The following TRPM7 variants were observed in gnomAD, a reference collection of about 807,000 sequenced individuals.
The protein encoded by TRPM7 is LTRPC ion channel family member 7.
A neutral mutation model predicts 229.7 loss-of-function variants in TRPM7; 134 were observed. The observed-to-expected ratio is 0.58, with a 90% CI of 0.51 to 0.67. TRPM7 has a LOEUF of 0.67. Ranked by LOEUF, TRPM7 falls within the 30% of genes least tolerant of loss-of-function variation. The pLI is 0.00. For missense variants in TRPM7, 1,901 were observed against 2,210.0 expected (o/e 0.86, Z 2.80); for synonymous variants, 699 against 715.2 (o/e 0.98, Z 0.36).
chr15:50,594,901 T>C (rs910682958), intron 23 of TRPM7, among the ~76,000 whole-genome samples: 1 of 152,120 alleles, frequency 6.6e-6, no homozygotes, highest in East Asian at 1.9e-4. Flanking sequence ...TAAGTGCAAA[T>C]TTTAAAAAAC....
At chr15:50,635,840 G>A (rs111948204) in intron 7 of TRPM7, among the ~76,000 whole-genome samples, 8 of 150,178 alleles carry the variant, frequency 5.3e-5, no homozygotes, top group Non-Finnish European at 7.4e-5. Context: ...TAGCTGGGGC[G>A]TGGTGGCGAG....
intron 14 of TRPM7, 54 bp downstream of exon 14, chr15:50,614,069 T>TGCATG: frequency 6.7e-7 from 1 of 1,482,378 alleles, no homozygotes; most frequent in South Asian, 1.3e-5. Flanking sequence ...ACAATTAAAG[T>TGCATG]GCATGTGTTA....
At chr15:50,642,494 G>C (rs1486859451) in intron 5 of TRPM7, among the ~76,000 whole-genome samples, 2 of 152,146 alleles carry the variant, frequency 1.3e-5, no homozygotes, top group East Asian at 1.9e-4. Flanking sequence ...TCATGGGGGC[G>C]GTTTCCCCAA....
intron 4 of TRPM7, among the ~76,000 whole-genome samples, chr15:50,645,914 G>A (rs1413024101): frequency 6.6e-6 from 1 of 151,972 alleles, no homozygotes; most frequent in Non-Finnish European, 1.5e-5. Flanking sequence ...CAGCACTTTG[G>A]GAGGCGGAGG....
Position 50,596,391 on chromosome 15 carries a change from GA to G in TRPM7, c.3164-11del. ...GAATCATTTGCACACACTTTAGAGA[GA>G]AAAAAAGAAAAAAACAAAAACAACT... On this transcript the variant is annotated splice_polypyrimidine_tract_variant and intron_variant, in intron 22 of 38. Transcript: ENST00000646667. The G allele has an allele frequency of 1.9e-6, 3 of 1,551,794 alleles. No homozygotes were observed. The highest frequency in any genetic ancestry group is 1.7e-6 in the Non-Finnish European group (2 of 1,156,870).
chr15:50,677,573 T>C (rs2062122027), intron 1 of TRPM7, among the ~76,000 whole-genome samples: 2 of 151,258 alleles, frequency 1.3e-5, no homozygotes, highest in African/African-American at 4.9e-5. Flanking sequence ...ACCCCATCCC[T>C]ACTAAAAACA....
At chr15:50,622,584 T>C (rs546046942) in intron 12 of TRPM7, among the ~76,000 whole-genome samples, 3 of 152,258 alleles carry the variant, frequency 2.0e-5, no homozygotes, top group African/African-American at 2.4e-5. Context: ...GTGCTACACA[T>C]ACTAAAAGAA....
intron 15 of TRPM7, among the ~76,000 whole-genome samples, 199 bp downstream of exon 15, chr15:50,613,501 CAAAAAAA>C (rs67505794): frequency 3.2e-5 from 2 of 62,808 alleles, no homozygotes; most frequent in Non-Finnish European, 5.7e-5. Context: ...ACTCCTGTCT[CAAAAAAA>C]AAAAAAAAAA....
At chr15:50,573,837 G>A (rs2054006741) in intron 36 of TRPM7, among the ~76,000 whole-genome samples, 1 of 152,138 alleles carries the variant, frequency 6.6e-6, no homozygotes, top group Non-Finnish European at 1.5e-5. Context: ...GAGGCGGGCA[G>A]ATCACAAGGT....
At chr15:50,663,135 T>C in intron 1 of TRPM7, 89 bp from the exon 2 acceptor site, 1 of 891,102 alleles carries the variant, frequency 1.1e-6, no homozygotes, top group Non-Finnish European at 1.7e-6. Context: ...AAACAGTTCT[T>C]TTTTTTTTTT....
intron 3 of TRPM7, among the ~76,000 whole-genome samples, chr15:50,655,093 T>C (rs1420101385): frequency 1.4e-5 from 2 of 138,172 alleles, no homozygotes; most frequent in South Asian, 2.3e-4. Flanking sequence ...AAGACATCAA[T>C]AGAAATTATT....
At chr15:50,598,496 T>C (rs922924363) in intron 22 of TRPM7, among the ~76,000 whole-genome samples, 9 of 152,242 alleles carry the variant, frequency 5.9e-5, no homozygotes, top group African/African-American at 2.2e-4. Flanking sequence ...GCTTTCAGTA[T>C]TCACACAGGA....
chr15:50,653,443 T>C (rs1484452457), intron 3 of TRPM7, among the ~76,000 whole-genome samples: 2 of 152,248 alleles, frequency 1.3e-5, no homozygotes, highest in Non-Finnish European at 2.9e-5. Flanking sequence ...TGATTCATTC[T>C]AGCTAATCAT....
chr15:50,588,200 A>G, intron 27 of TRPM7: 2 of 984,154 alleles, frequency 2.0e-6, no homozygotes, highest in Non-Finnish European at 2.4e-6. Flanking sequence ...CCTCATATTT[A>G]GGCATCTCTG....
At chr15:50,665,289 C>T (rs542828850) in intron 1 of TRPM7, among the ~76,000 whole-genome samples, 1 of 151,730 alleles carries the variant, frequency 6.6e-6, no homozygotes, top group East Asian at 2.0e-4. Context: ...CCCAACTACT[C>T]AGGAGGCTGA....
intron 29 of TRPM7, among the ~76,000 whole-genome samples, chr15:50,581,831 T>C (rs896998093): frequency 3.9e-5 from 6 of 152,220 alleles, no homozygotes; most frequent in African/African-American, 1.4e-4. Context: ...ATGTCTTCCA[T>C]GTCTCTTTAC....
intron 1 of TRPM7, among the ~76,000 whole-genome samples, chr15:50,685,367 G>A (rs2062334124): frequency 6.6e-6 from 1 of 152,234 alleles, no homozygotes; most frequent in South Asian, 2.1e-4. Flanking sequence ...TGAGGCAGGA[G>A]AATCGCCTGA....
intron 2 of TRPM7, among the ~76,000 whole-genome samples, chr15:50,662,052 T>C (rs1031002718): frequency 4.0e-5 from 6 of 151,890 alleles, no homozygotes; most frequent in Non-Finnish European, 1.5e-5. Flanking sequence ...ACCCTGTTTC[T>C]ACTAAAAATA....
chr15:50,601,927 T>A (rs1159389137), intron 21 of TRPM7, among the ~76,000 whole-genome samples: 1 of 151,530 alleles, frequency 6.6e-6, no homozygotes, highest in Non-Finnish European at 1.5e-5. Context: ...AGAAACTCCC[T>A]GCTCAGAAGA....
Sources: allele counts gnomAD v4.1 joint callset (sites outside exome capture counted in the v4.1 genomes callset), GRCh38; gene constraint gnomAD v4.1.1; transcripts MANE v1.5; gene names NCBI Gene and HGNC (gene_info 2026-07-23, HGNC 2026-07-21).